The following VAV1 variants were observed in gnomAD, a reference collection of about 807,000 sequenced individuals.
VAV1 encodes vav guanine nucleotide exchange factor 1.
Under a neutral mutation model 128.1 loss-of-function variants are expected in VAV1, and 33 were observed. That is an observed-to-expected ratio of 0.26 (90% confidence interval 0.20 to 0.34). The LOEUF is 0.34. Among genes scored for constraint, VAV1 ranks in the 10% least tolerant of loss-of-function variants. The probability of loss-of-function intolerance (pLI) is 1.00; values close to 1 mark genes in which losing one functional copy is unlikely to be tolerated. For missense variants in VAV1, 715 were observed against 1,093.7 expected (o/e 0.65, Z 4.88); for synonymous variants, 394 against 409.8 (o/e 0.96, Z 0.47).
rs1599659817 is a variant in VAV1 at position 6,826,526 on chromosome 19, G to C, written c.828-86G>C. 1 of 979,672 alleles carries C rather than the reference G, an allele frequency of 1.0e-6. No individual in the cohort carries two copies. The highest frequency in any genetic ancestry group is 1.6e-6 in the Non-Finnish European group (1 of 635,728). 60.7% of individuals were successfully genotyped at this position (979,672 alleles called of 1,614,324 possible). A position where few individuals can be genotyped will look rare whatever the true frequency, so the allele number is the denominator to read the frequency against. On this transcript the variant is annotated intron_variant, in intron 8 of 26. Coordinates refer to ENST00000602142, the MANE Select transcript of VAV1 (RefSeq NM_005428.4). The surrounding 1 kb of genome is among the most constrained non-coding windows in gnomAD (Gnocchi z 4.1). ...GGGACTCAGGTTTCTTCTCCAGCGG[G>C]GAAGAGCAAGGCCAGGGCTGACGCC... is the stretch of plus-strand genomic sequence containing the variant.
intron 1 of VAV1, among the ~76,000 whole-genome samples, chr19:6,809,157 T>C (rs1331347924): frequency 6.6e-6 from 1 of 151,656 alleles, no homozygotes; most frequent in African/African-American, 2.4e-5. Context: ...CTTAGCTCAC[T>C]GCAACCTCAA....
intron 6 of VAV1, among the ~76,000 whole-genome samples, 199 bp from the exon 7 acceptor site, chr19:6,824,854 A>G (rs10469323): frequency 0.016 from 2,408 of 152,138 alleles, 80 homozygotes; most frequent in African/African-American, 0.055. Context: ...ACACCCATTT[A>G]CCCATTGATA....
intron 1 of VAV1, among the ~76,000 whole-genome samples, chr19:6,780,067 G>T (rs868132738): frequency 1.4e-5 from 2 of 145,040 alleles, no homozygotes; most frequent in African/African-American, 2.5e-5. Context: ...GCCGAGATCA[G>T]GCCACTGCAC....
chr19:6,826,036 C>T lies in VAV1; in HGVS notation c.828-576C>T, dbSNP rs2144778212. On this transcript the variant is annotated intron_variant, in intron 8 of 26. Transcript: ENST00000602142. This position sits in a 1 kb window ranked among gnomAD's most constrained non-coding sequence, Gnocchi z 4.1. The stretch of plus-strand genomic sequence containing the variant: ...CCAGCCTAGGCAACAGAGCAAGACT[C>T]TGTCTCAGAAATAAAAACAGGCCAG... 6.7e-6 allele frequency among the ~76,000 whole-genome samples: 1 copy of T among 149,354 alleles called. No homozygotes were observed. Among genetic ancestry groups the T allele is most frequent in the Middle Eastern group, 3.8e-3 (1 of 264 alleles).
intron 15 of VAV1, among the ~76,000 whole-genome samples, chr19:6,832,621 TCTTCTTCCTCCTCCTCCCTTTCCTCCC>T (rs1447220581): frequency 2.5e-4 from 25 of 101,122 alleles, no homozygotes; most frequent in Non-Finnish European, 4.4e-4. Flanking sequence ...CTCCTCCACC[TCTTCTTCCTCCTCCTCCCTTTCCTCCC>T]CTTCTTCCTC....
rs762661765 is a variant in VAV1 at position 6,820,611 on chromosome 19, C to T, written c.205-91C>T. On this transcript the variant is annotated intron_variant, in intron 1 of 26. Transcript: ENST00000602142. The surrounding 1 kb of genome is among the most constrained non-coding windows in gnomAD (Gnocchi z 4.4). ...GAGGGTCTGTGCTTTCATTTCCCCT[C>T]CACACCAGTCCCCAAGCTAGGTGGC... 1.1e-4 allele frequency: 111 copies of T among 970,158 alleles called. No individual in the cohort carries two copies. The highest frequency in any genetic ancestry group is 1.8e-4 in the Non-Finnish European group (106 of 604,852). The allele number at this position is 970,158 out of a possible 1,614,324, so 60.1% of individuals were successfully genotyped here.
At chr19:6,797,231 C>CAAAAAAAAAAAAA (rs34227069) in intron 1 of VAV1, among the ~76,000 whole-genome samples, 1 of 126,404 alleles carries the variant, frequency 7.9e-6, no homozygotes, top group Non-Finnish European at 1.7e-5. Context: ...GACTCAGTAT[C>CAAAAAAAAAAAAA]AAAAAAAAAA....
intron 1 of VAV1, among the ~76,000 whole-genome samples, chr19:6,806,190 A>T (rs1454295987): frequency 6.6e-6 from 1 of 152,020 alleles, no homozygotes; most frequent in African/African-American, 2.4e-5. Context: ...GGGTTCAAGC[A>T]ATTCTCCTGC....
At chr19:6,840,017 T>A (rs184779159) in intron 21 of VAV1, among the ~76,000 whole-genome samples, 1 of 152,174 alleles carries the variant, frequency 6.6e-6, no homozygotes, top group Non-Finnish European at 1.5e-5. Context: ...TAAGGTACAG[T>A]TGAGTGGCAT....
In VAV1 at chr19:6,846,739, T is replaced by G. The variant is rs969621031; in HGVS notation, c.2013-1259T>G. On this transcript the variant is annotated intron_variant, in intron 22 of 26. Transcript: ENST00000602142. ...TACATGTATATTTATATTATATTCATATTATATATTATAGGGTTATATATA... is the reference window on the plus strand; with the variant it reads ...TACATGTATATTTATATTATATTCAGATTATATATTATAGGGTTATATATA... Among the ~76,000 whole-genome samples, 26 of 147,750 alleles carry G rather than the reference T, an allele frequency of 1.8e-4. No individual in the cohort carries two copies. In the East Asian group the frequency reaches 5.1e-3, roughly 29 times the overall value.
chr19:6,790,536 C>T (rs1407866255), intron 1 of VAV1, among the ~76,000 whole-genome samples: 1 of 152,168 alleles, frequency 6.6e-6, no homozygotes, highest in Non-Finnish European at 1.5e-5. Context: ...TCTGGGGGCT[C>T]CAGATGATCC....
At chr19:6,792,415 T>C (rs1599627023) in intron 1 of VAV1, among the ~76,000 whole-genome samples, 1 of 147,778 alleles carries the variant, frequency 6.8e-6, no homozygotes, top group Admixed American at 6.8e-5. Context: ...GGAGGCAGGG[T>C]GGTGTCTAGG....
intron 1 of VAV1, among the ~76,000 whole-genome samples, chr19:6,818,803 A>T (rs7253450): frequency 0.06 from 9,111 of 152,050 alleles, 329 homozygotes; most frequent in African/African-American, 0.099. Flanking sequence ...GGAACCTACA[A>T]ATATCTAGTC....
At position 6,821,920 on chromosome 19, in the gene VAV1, G is replaced by T; in HGVS notation, c.449+61G>T. The T allele has an allele frequency of 1.9e-6, 3 of 1,604,914 alleles. No individual in the cohort carries two copies. The South Asian group carries it at 3.3e-5, about 18-fold the overall frequency. ...GAGCACCGTCCTGGGGGTGGAGGGT[G>T]TGGGGGGACATGGCCTTGCCCTCCG... On this transcript the variant is annotated intron_variant, in intron 4 of 26. Coordinates refer to ENST00000602142, the MANE Select transcript of VAV1 (RefSeq NM_005428.4).
Position 6,828,381 on chromosome 19 carries a change from A to T in VAV1, c.1024-38A>T. On this transcript the variant is annotated intron_variant, in intron 10 of 26. Transcript: ENST00000602142. The surrounding 1 kb of genome is among the most constrained non-coding windows in gnomAD (Gnocchi z 4.5). ...AGGCCCTCCCCGCAGGGAGAAGGGGAGGGGCCCAGGTGACGTCTGACGTCT... is the reference window on the plus strand; with the variant it reads ...AGGCCCTCCCCGCAGGGAGAAGGGGTGGGGCCCAGGTGACGTCTGACGTCT... 1 of 1,611,534 alleles carries T rather than the reference A, an allele frequency of 6.2e-7. No individual in the cohort carries two copies. The highest frequency in any genetic ancestry group is 8.5e-7 in the Non-Finnish European group (1 of 1,178,216).
intron 1 of VAV1, among the ~76,000 whole-genome samples, chr19:6,775,568 C>T (rs1970602846): frequency 6.6e-6 from 1 of 152,186 alleles, no homozygotes; most frequent in Admixed American, 6.6e-5. Context: ...TTCCTGTGCC[C>T]AGCTGTATCA....
At chr19:6,804,512 G>T (rs1971344326) in intron 1 of VAV1, among the ~76,000 whole-genome samples, 1 of 151,730 alleles carries the variant, frequency 6.6e-6, no homozygotes, top group Non-Finnish European at 1.5e-5. Context: ...TGCCTCCCAG[G>T]TTCAAGCAAT....
rs983745200 is a variant in VAV1 at position 6,800,950 on chromosome 19, C to T, written c.205-19752C>T. Among the ~76,000 whole-genome samples the T allele has an allele frequency of 4.6e-5, 7 of 152,314 alleles. No homozygotes were observed. The South Asian group carries it at 1.2e-3, about 27-fold the overall frequency. On this transcript the variant is annotated intron_variant, in intron 1 of 26. Coordinates refer to ENST00000602142, the MANE Select transcript of VAV1 (RefSeq NM_005428.4). ...CCGCTCACCATCTCTTTGTCGCCTG[C>T]ATGGCACCATTCTCTCCTGTACCAC...
rs1211940607 is a variant in VAV1, at chr19:6,779,286, A to G, written c.204+6275A>G. Among the ~76,000 whole-genome samples the G allele has an allele frequency of 4.0e-5, 6 of 150,392 alleles. 1 individual carries two copies. Among genetic ancestry groups the G allele is most frequent in the Non-Finnish European group, 8.9e-5 (6 of 67,146 alleles). On this transcript the variant is annotated intron_variant, in intron 1 of 26. Transcript: ENST00000602142. The stretch of plus-strand genomic sequence containing the variant: ...AGGCTGGTCTTGAACTCCTGGCCTC[A>G]AGCAATTCCTCCCGCCTTGGCTTTC...
Sources: allele counts gnomAD v4.1 joint callset (sites outside exome capture counted in the v4.1 genomes callset), GRCh38; gene constraint gnomAD v4.1.1; non-coding constraint Gnocchi (gnomAD v3.1); transcripts MANE v1.5; gene names NCBI Gene and HGNC (gene_info 2026-07-23, HGNC 2026-07-21).